TTN: variants seen among roughly 807,000 people sequenced by gnomAD.
TTN encodes titin.
A neutral mutation model predicts 3,223.0 loss-of-function variants in TTN; 1,525 were observed. The observed-to-expected ratio is 0.47, with a 90% CI of 0.45 to 0.49. The LOEUF is 0.49. Ranked by LOEUF, TTN falls within the 20% of genes least tolerant of loss-of-function variation. The pLI is 0.00. For synonymous variants in TTN, 14,094 were observed against 15,161.0 expected, an observed-to-expected ratio of 0.93 and a Z score of 5.17; for missense variants, 40,786 against 43,424.0, an observed-to-expected ratio of 0.94 and a Z score of 5.40.
At position 178,547,929 on chromosome 2, in the gene TTN, A is replaced by G; in HGVS notation, c.93697T>C (p.Phe31233Leu). The G allele has an allele frequency of 1.9e-6, 3 of 1,613,762 alleles. No individual in the cohort carries two copies. The highest frequency in any genetic ancestry group is 2.5e-6 in the Non-Finnish European group (3 of 1,179,820). ...CCACTGATTGGTACGTCAATGGTAA[A>G]TGGGCTTCCTGCTTTGCAAGTTATA... ...QLITCKAGSP[F>L]TIDVPISGRP... is the part of the protein sequence containing the mutation. Residue 31233 changes from phenylalanine to leucine, a missense_variant, in exon 339 of 363, where the codon TTT becomes CTT. By Grantham distance (22) the Phe-to-Leu change is conservative. Coordinates refer to ENST00000589042, the MANE Select transcript of TTN (RefSeq NM_001267550.2).
chr2:178,632,166 T>G lies in TTN; in HGVS notation c.43728A>C (p.Glu14576Asp), dbSNP rs2059887761. ...ACTTACCAAGCACAGTGAGTTTAGC[T>G]TCTGAACTCATCCCCATAGCTTCTA... ...IRVEAMGMSS[E>D]AKLTVLEGDP... Residue 14576 changes from glutamate (E) to aspartate (D), a missense_variant, in exon 236 of 363, where the codon GAA becomes GAC. By Grantham distance (45) the Glu-to-Asp change is conservative. Coordinates refer to ENST00000589042, the MANE Select transcript of TTN (RefSeq NM_001267550.2). 2 of 1,606,696 alleles carry G rather than the reference T, an allele frequency of 1.2e-6. No individual in the cohort carries two copies. The highest frequency in any genetic ancestry group is 2.7e-5 in the African/African-American group (2 of 74,772).
chr2:178,766,675 C>T, intron 40 of TTN, 63 bp from the exon 41 acceptor site: 1 of 1,309,914 alleles, frequency 7.6e-7, no homozygotes, highest in African/African-American at 1.5e-5. Flanking sequence ...CTGGTTTCCT[C>T]CCAGTTAATC....
Position 178,644,631 on chromosome 2 carries a change from A to G in TTN, c.40409-15T>C. On this transcript the variant is annotated splice_polypyrimidine_tract_variant and intron_variant, in intron 217 of 362. Transcript: ENST00000589042. ...CTTTGGAATAGCTTTAAAGAATATGATTTTACTTTTGTTATTTGTATATTT... is the reference window on the plus strand; with the variant it reads ...CTTTGGAATAGCTTTAAAGAATATGGTTTTACTTTTGTTATTTGTATATTT... 3 of 1,525,728 alleles carry G rather than the reference A, an allele frequency of 2.0e-6. No homozygotes were observed. The highest frequency in any genetic ancestry group is 2.6e-6 in the Non-Finnish European group (3 of 1,138,426). 94.5% of individuals were successfully genotyped at this position (1,525,728 alleles called of 1,614,324 possible).
chr2:178,624,747 T>G lies in TTN; in HGVS notation c.44549-16A>C, dbSNP rs908331677. On this transcript the variant is annotated splice_polypyrimidine_tract_variant and intron_variant, in intron 241 of 362. Coordinates refer to ENST00000589042, the MANE Select transcript of TTN (RefSeq NM_001267550.2). ...ACTGGGGGTTCTGAAAGAATCATACTCATTAGCCAAGGTACTCCTTTCCTT... is the reference window on the plus strand; with the variant it reads ...ACTGGGGGTTCTGAAAGAATCATACGCATTAGCCAAGGTACTCCTTTCCTT... 5 of 1,610,162 alleles carry G rather than the reference T, an allele frequency of 3.1e-6. No individual in the cohort carries two copies. In the Middle Eastern group the frequency reaches 5.0e-4, roughly 160 times the overall value.
In TTN at chr2:178,784,317, T is replaced by G. The variant is rs1418864854; in HGVS notation, c.2528A>C (p.Gln843Pro). Residue 843 changes from glutamine to proline, a missense_variant, in exon 16 of 363, where the codon CAA becomes CCA. By Grantham distance (76) the Gln-to-Pro change is moderately conservative (BLOSUM62 -1). Coordinates refer to ENST00000589042, the MANE Select transcript of TTN (RefSeq NM_001267550.2). ...SIAGSAIATL[Q>P]KELSATSSAQ... ...AGAAGATGTGGCTGACAACTCTTTT[T>G]GTAATGTGGCAATAGCACTACCGGC... 6.2e-7 allele frequency: 1 copy of G among 1,614,106 alleles called. No individual in the cohort carries two copies. The highest frequency in any genetic ancestry group is 8.5e-7 in the Non-Finnish European group (1 of 1,179,998).
chr2:178,583,786 A>C lies in TTN; in HGVS notation c.65396T>G (p.Leu21799Arg). ...IIGYFVEACK[L>R]PGDKWVRCNT... is the part of the protein sequence containing the mutation. Reference sequence around the variant, plus strand: ...GCACCGTACCCATTTATCACCAGGAAGTTTGCAAGCTTCTACGAAATAGCC... The same window carrying C: ...GCACCGTACCCATTTATCACCAGGACGTTTGCAAGCTTCTACGAAATAGCC... Residue 21799 changes from leucine (L) to arginine (R), a missense_variant, in exon 312 of 363, where the codon CTT (leucine) becomes CGT (arginine). Coordinates refer to ENST00000589042, the MANE Select transcript of TTN (RefSeq NM_001267550.2). The C allele has an allele frequency of 1.2e-6, 2 of 1,610,932 alleles. No homozygotes were observed. Among genetic ancestry groups the C allele is most frequent in the South Asian group, 2.2e-5 (2 of 90,550 alleles).
At chr2:178,628,579 C>T (rs1041383889) in intron 240 of TTN, among the ~76,000 whole-genome samples, 3 of 152,060 alleles carry the variant, frequency 2.0e-5, no homozygotes, top group African/African-American at 7.2e-5. Context: ...TGAATAATCC[C>T]TTAGTTTTTA....
chr2:178,782,242 T>G lies in TTN; in HGVS notation c.3350A>C (p.Lys1117Thr). 6.2e-7 allele frequency: 1 copy of G among 1,614,032 alleles called. No homozygotes were observed. The highest frequency in any genetic ancestry group is 8.5e-7 in the Non-Finnish European group (1 of 1,179,974). ...GNPKPHVYWK[K>T]SGVPLTTGYR... ...TCCAGTGGTTAGAGGAACACCAGATTTTTTCCAGTATACATGGGGCTTTGG... is the reference window on the plus strand; with the variant it reads ...TCCAGTGGTTAGAGGAACACCAGATGTTTTCCAGTATACATGGGGCTTTGG... The change falls in exon 20 of 363, where the codon AAA becomes ACA. Residue 1117 changes from lysine (K) to threonine (T), a missense_variant. Transcript: ENST00000589042.
intron 21 of TTN, 99 bp from the exon 22 acceptor site, chr2:178,780,304 A>C (rs1270173107): frequency 9.3e-7 from 1 of 1,072,954 alleles, no homozygotes; most frequent in East Asian, 2.5e-5. Flanking sequence ...AAAGTTGATA[A>C]CCAAAAACCA....
chr2:178,756,710 T>A lies in TTN; in HGVS notation c.10766A>T (p.Glu3589Val). The A allele has an allele frequency of 8.7e-6, 14 of 1,613,858 alleles. No individual in the cohort carries two copies. Among genetic ancestry groups the A allele is most frequent in the Non-Finnish European group, 1.2e-5 (14 of 1,179,818 alleles). ...TTCCTTTTGAGATATTTTGCTCTCCTCCTTTGTGAAAGAGGAATCTGCCAC... is the reference window on the plus strand; with the variant it reads ...TTCCTTTTGAGATATTTTGCTCTCCACCTTTGTGAAAGAGGAATCTGCCAC... ...QAVADSSFTK[E>V]ESKISQKEIK... Residue 3589 changes from glutamate to valine, a missense_variant, in exon 46 of 363, where the codon GAG becomes GTG. By Grantham distance (121) the Glu-to-Val change is moderately radical. Transcript: ENST00000589042.
chr2:178,794,871 TG>T, intron 7 of TTN, 50 bp downstream of exon 7: 1 of 1,589,986 alleles, frequency 6.3e-7, no homozygotes, highest in African/African-American at 1.3e-5. Context: ...GAAATCCAGT[TG>T]GAGAAACTAG....
Position 178,602,417 on chromosome 2 carries a change from T to C in TTN, c.54985A>G (p.Ile18329Val). ...WKRVNEPDKL[I>V]TTCECVVPNL... ...GGCACCACACATTCACAGGTAGTTA[T>C]AAGTTTGTCTGGTTCATTTACTCTT... Residue 18329 changes from isoleucine (I) to valine (V), a missense_variant, in exon 283 of 363, where the codon ATA becomes GTA. Coordinates refer to ENST00000589042, the MANE Select transcript of TTN (RefSeq NM_001267550.2). 2 of 1,612,800 alleles carry C rather than the reference T, an allele frequency of 1.2e-6. No homozygotes were observed. The highest frequency in any genetic ancestry group is 1.7e-6 in the Non-Finnish European group (2 of 1,179,250).
Position 178,664,902 on chromosome 2 carries a change from A to G in TTN, c.36068T>C (p.Ile12023Thr), listed in dbSNP as rs1433262236. Reference sequence around the variant, plus strand: ...TTTGGAAGGAACTGTCTTGGCAGGAATAATTTCTTGAGGAGCTTCGGGCGC... The same window carrying G: ...TTTGGAAGGAACTGTCTTGGCAGGAGTAATTTCTTGAGGAGCTTCGGGCGC... Reference protein sequence around the residue: ...MKTPEAPQEIIPAKTVPSKKR... With the variant: ...MKTPEAPQEITPAKTVPSKKR... The change falls in exon 166 of 363, where the codon ATT (isoleucine) becomes ACT (threonine). Residue 12023 changes from isoleucine to threonine, a missense_variant. Coordinates refer to ENST00000589042, the MANE Select transcript of TTN (RefSeq NM_001267550.2). 1.2e-6 allele frequency: 2 copies of G among 1,610,374 alleles called. No individual in the cohort carries two copies. The highest frequency in any genetic ancestry group is 1.7e-6 in the Non-Finnish European group (2 of 1,179,034).
At position 178,565,043 on chromosome 2, in the gene TTN, G is replaced by T; in HGVS notation, c.81089C>A (p.Thr27030Lys). ...WHMVSATVAR[T>K]TIKITKLKTG... ...TTTCAGTTTGGTTATTTTAATTGTT[G>T]TTCTTGCAACTGTTGCTGATACCAT... is the stretch of plus-strand genomic sequence containing the variant. The change falls in exon 326 of 363, where the codon ACA (threonine) becomes AAA (lysine). Residue 27030 changes from threonine (T) to lysine (K), a missense_variant. Coordinates refer to ENST00000589042, the MANE Select transcript of TTN (RefSeq NM_001267550.2). 1.2e-6 allele frequency: 2 copies of T among 1,613,610 alleles called. No homozygotes were observed. Among genetic ancestry groups the T allele is most frequent in the South Asian group, 1.1e-5 (1 of 91,050 alleles).
Position 178,773,131 on chromosome 2 carries a change from T to C in TTN, c.7833A>G (p.Thr2611=). 2 of 1,613,930 alleles carry C rather than the reference T, an allele frequency of 1.2e-6. No individual in the cohort carries two copies. The highest frequency in any genetic ancestry group is 2.2e-5 in the South Asian group (2 of 91,060). ...AACCTGCCACAGTAAGTTTTCCAGA[T>C]GTCATATTTTCTCCCGCGTAAAATG... ...KYTFYAGENM[T]SGKLTVAGGA... is the part of the protein sequence containing the mutation. The change falls in exon 33 of 363, where the codon ACA becomes ACG. Residue 2611 remains threonine, a synonymous_variant. Transcript: ENST00000589042.
At chr2:178,793,270 A>G (rs2093605769) in intron 9 of TTN, 134 bp downstream of exon 9, 3 of 1,359,826 alleles carry the variant, frequency 2.2e-6, no homozygotes, top group South Asian at 1.4e-5. Flanking sequence ...AAATTTACAC[A>G]TACAACAAGG....
At chr2:178,777,619 A>G (rs377254544) in intron 25 of TTN, 35 bp from the exon 26 acceptor site, 63 of 1,613,262 alleles carry the variant, frequency 3.9e-5, no homozygotes, top group Non-Finnish European at 5.1e-5. Context: ...GTAGATTTTA[A>G]AATAGTTTTT....
intron 206 of TTN, 45 bp from the exon 207 acceptor site, chr2:178,651,581 A>G: frequency 6.2e-7 from 1 of 1,610,778 alleles, no homozygotes; most frequent in Non-Finnish European, 8.5e-7. Flanking sequence ...GTTTCAATGA[A>G]ATGTGAAAAT....
At chr2:178,761,898 C>T (rs1253266932) in intron 43 of TTN, among the ~76,000 whole-genome samples, 2 of 152,202 alleles carry the variant, frequency 1.3e-5, no homozygotes, top group African/African-American at 4.8e-5. Context: ...ATGACACTGA[C>T]TCATCATCTG....
Sources: allele counts gnomAD v4.1 joint callset (sites outside exome capture counted in the v4.1 genomes callset), GRCh38; gene constraint gnomAD v4.1.1; transcripts MANE v1.5; gene names NCBI Gene and HGNC (gene_info 2026-07-23, HGNC 2026-07-21).